The following SEL1L3 variants were observed in gnomAD, a reference collection of about 807,000 sequenced individuals.
The protein encoded by SEL1L3 is SEL1L family member 3, also known as protein sel-1 homolog 3.
SEL1L3 carries 76 observed loss-of-function variants against 142.8 expected under a neutral mutation model. The observed-to-expected ratio is 0.53, with a 90% CI of 0.44 to 0.64. SEL1L3 has a LOEUF of 0.64. Ranked by LOEUF, SEL1L3 falls within the 30% of genes least tolerant of loss-of-function variation. SEL1L3 has a pLI of 0.00. For synonymous variants in SEL1L3, 504 were observed against 519.6 expected, an observed-to-expected ratio of 0.97 and a Z score of 0.41; for missense variants, 1,262 against 1,381.7, an observed-to-expected ratio of 0.91 and a Z score of 1.37.
chr4:25,715,618 A>C, the SEL1L3 span, among the ~76,000 whole-genome samples: 4 of 152,174 alleles, frequency 2.6e-5, no homozygotes, highest in African/African-American at 9.6e-5. Flanking sequence ...TAAAAGAACA[A>C]GGTTACTCAG....
intron 11 of SEL1L3, among the ~76,000 whole-genome samples, chr4:25,796,437 GA>G (rs902363284): frequency 1.6e-3 from 232 of 146,022 alleles, no homozygotes; most frequent in African/African-American, 4.6e-3. Flanking sequence ...TCAAATTAAA[GA>G]AAAAAAAAAT....
At chr4:25,828,390 G>A (rs1472469599) in intron 6 of SEL1L3, among the ~76,000 whole-genome samples, 7 of 140,774 alleles carry the variant, frequency 5.0e-5, no homozygotes, top group East Asian at 2.0e-4. Context: ...TTATCTTTTC[G>A]TTTTTTTTTT....
At chr4:25,824,069 T>C (rs995471285) in intron 6 of SEL1L3, among the ~76,000 whole-genome samples, 11 of 152,340 alleles carry the variant, frequency 7.2e-5, no homozygotes, top group African/African-American at 2.2e-4. Context: ...TATTTTTCTT[T>C]TCAGAATCTC....
intron 23 of SEL1L3, among the ~76,000 whole-genome samples, chr4:25,750,036 C>T (rs1717486206): frequency 6.6e-6 from 1 of 151,868 alleles, no homozygotes; most frequent in Non-Finnish European, 1.5e-5. Flanking sequence ...GAGTTTGAGA[C>T]CAGGCTGGCC....
chr4:25,810,134 T>C (rs1713919323), intron 9 of SEL1L3, among the ~76,000 whole-genome samples: 1 of 152,236 alleles, frequency 6.6e-6, no homozygotes, highest in Non-Finnish European at 1.5e-5. Context: ...AACCATTTGT[T>C]GGCAGACTTT....
intron 2 of SEL1L3, among the ~76,000 whole-genome samples, chr4:25,836,180 T>C (rs1349503503): frequency 1.3e-5 from 2 of 152,214 alleles, no homozygotes; most frequent in East Asian, 3.8e-4. Context: ...AATTCTTCTC[T>C]ATAGCTCTAA....
chr4:25,801,718 A>G (rs1188007776), intron 11 of SEL1L3, among the ~76,000 whole-genome samples: 1 of 152,172 alleles, frequency 6.6e-6, no homozygotes, highest in Non-Finnish European at 1.5e-5. Context: ...TGGAGTCTTC[A>G]ATCATCACAC....
chr4:25,765,279 C>G, intron 20 of SEL1L3, 47 bp downstream of exon 20: 1 of 1,302,114 alleles, frequency 7.7e-7, no homozygotes, highest in Non-Finnish European at 1.1e-6. Flanking sequence ...CAGGCATGAG[C>G]CACCGTGCCC....
intron 1 of SEL1L3, chr4:25,862,142 T>C (rs1717751502): frequency 6.6e-6 from 1 of 152,096 alleles, no homozygotes; most frequent in Non-Finnish European, 1.5e-5. Flanking sequence ...TGAAGAGCGC[T>C]GGAGATGCGA....
chr4:25,751,682 A>G (rs1015179948), intron 23 of SEL1L3, among the ~76,000 whole-genome samples: 1 of 149,064 alleles, frequency 6.7e-6, no homozygotes, highest in African/African-American at 2.4e-5. Flanking sequence ...TTCTTTATAT[A>G]TAAGTATATA....
the SEL1L3 span, chr4:25,720,668 A>C: frequency 6.6e-6 from 1 of 152,232 alleles, no homozygotes; most frequent in Non-Finnish European, 1.5e-5. Context: ...ATCCAATAAT[A>C]ATGTGAAATC....
At chr4:25,815,169 G>C (rs1714309622) in intron 9 of SEL1L3, among the ~76,000 whole-genome samples, 1 of 152,192 alleles carries the variant, frequency 6.6e-6, no homozygotes, top group South Asian at 2.1e-4. Context: ...GGTCCCTCGG[G>C]GGAAGCTCCT....
chr4:25,836,523 G>A (rs545761358), intron 2 of SEL1L3, among the ~76,000 whole-genome samples: 3 of 152,038 alleles, frequency 2.0e-5, no homozygotes, highest in Non-Finnish European at 2.9e-5. Context: ...ATGGTAGTGC[G>A]TGCCTGTAAA....
chr4:25,790,411 A>G, intron 12 of SEL1L3, 44 bp downstream of exon 12: 1 of 1,600,254 alleles, frequency 6.2e-7, no homozygotes, highest in African/African-American at 1.3e-5. Flanking sequence ...AACCCAGTCT[A>G]TCATGGCTGA....
At chr4:25,746,389 C>T (rs1048817626), downstream of SEL1L3, among the ~76,000 whole-genome samples, 1 of 151,044 alleles carries the variant, frequency 6.6e-6, no homozygotes, top group East Asian at 1.9e-4. Context: ...CATGGTGGCA[C>T]ATGCTTGTAG....
At chr4:25,801,455 C>T (rs550725458) in intron 11 of SEL1L3, among the ~76,000 whole-genome samples, 1 of 152,248 alleles carries the variant, frequency 6.6e-6, no homozygotes, top group South Asian at 2.1e-4. Context: ...TACCACCATT[C>T]GATGCAGATC....
chr4:25,731,910 T>C, the SEL1L3 span, among the ~76,000 whole-genome samples: 186 of 152,106 alleles, frequency 1.2e-3, 1 homozygote, highest in African/African-American at 4.3e-3. Context: ...CCATCTCTAC[T>C]AAAAATACAA....
At chr4:25,802,646 C>T (rs868172044) in intron 10 of SEL1L3, among the ~76,000 whole-genome samples, 184 bp from the exon 11 acceptor site, 6 of 152,086 alleles carry the variant, frequency 3.9e-5, no homozygotes, top group Middle Eastern at 3.2e-3. Context: ...CAGTGGCACA[C>T]TCTTGGCTCA....
chr4:25,820,512 G>A (rs79788956), intron 7 of SEL1L3, among the ~76,000 whole-genome samples: 4,821 of 152,332 alleles, frequency 0.032, 282 homozygotes, highest in African/African-American at 0.11. Flanking sequence ...GAAAGGGAGC[G>A]CCTCAGGAAC....
Sources: allele counts gnomAD v4.1 joint callset (sites outside exome capture counted in the v4.1 genomes callset), GRCh38; gene constraint gnomAD v4.1.1; transcripts MANE v1.5; gene names NCBI Gene and HGNC (gene_info 2026-07-23, HGNC 2026-07-21).